The following MIGA1 variants were observed in gnomAD, a reference collection of about 807,000 sequenced individuals.
MIGA1 encodes mitoguardin 1.
MIGA1 carries 58 observed loss-of-function variants against 82.0 expected under a neutral mutation model. That is an observed-to-expected ratio of 0.71 (90% CI 0.57 to 0.88). The LOEUF is 0.88. MIGA1 is among the 40% of genes least tolerant of loss of function. The pLI is 0.00. For missense variants in MIGA1, 751 were observed against 749.1 expected, an observed-to-expected ratio of 1.00 and a Z score of -0.03; for synonymous variants, 249 against 253.6, an observed-to-expected ratio of 0.98 and a Z score of 0.17.
In MIGA1 at chr1:77,878,999, TG is replaced by T; in HGVS notation, c.*3936del. On this transcript the variant is annotated 3_prime_UTR_variant, in exon 16 of 16. Transcript: ENST00000370791. Reference sequence around the variant, plus strand: ...TACTTAAATTTAATTTCCAAGAGAGTGATTATTTGCATTACAAAGGAATTCT... The same window carrying T: ...TACTTAAATTTAATTTCCAAGAGAGTATTATTTGCATTACAAAGGAATTCT... The T allele has an allele frequency of 3.6e-6, 1 of 277,372 alleles. No individual in the cohort carries two copies. Among genetic ancestry groups the T allele is most frequent in the Non-Finnish European group, 6.7e-6 (1 of 149,946 alleles). The allele number at this position is 277,372 out of a possible 1,614,324, so 17.2% of individuals were successfully genotyped here.
At chr1:77,822,758 C>G (rs1342566019) in intron 7 of MIGA1, among the ~76,000 whole-genome samples, 1 of 150,316 alleles carries the variant, frequency 6.7e-6, no homozygotes, top group Non-Finnish European at 1.5e-5. Context: ...TACATTTGTA[C>G]TATTTATAGA....
intron 8 of MIGA1, among the ~76,000 whole-genome samples, chr1:77,855,868 C>G (rs528608984): frequency 6.6e-6 from 1 of 152,012 alleles, no homozygotes; most frequent in Admixed American, 6.6e-5. Flanking sequence ...TCTTTACCGA[C>G]GTGGATGCCC....
At chr1:77,793,440 T>TTTTG (rs976254183) in intron 2 of MIGA1, among the ~76,000 whole-genome samples, 3 of 151,844 alleles carry the variant, frequency 2.0e-5, no homozygotes, top group Non-Finnish European at 2.9e-5. Flanking sequence ...GAGAGGTTTT[T>TTTTG]TTTGTTTGTT....
Position 77,878,678 on chromosome 1 carries a change from A to T in MIGA1, c.*3614A>T, listed in dbSNP as rs1646913527. Reference sequence around the variant, plus strand: ...AATTTTGAGGCAATTTACATTTGGTATTTCTTTTAATTTCATTTTTTGTAT... The same window carrying T: ...AATTTTGAGGCAATTTACATTTGGTTTTTCTTTTAATTTCATTTTTTGTAT... On this transcript the variant is annotated 3_prime_UTR_variant, in exon 16 of 16. Transcript: ENST00000370791. 2.9e-6 allele frequency: 1 copy of T among 344,406 alleles called. No individual in the cohort carries two copies. The highest frequency in any genetic ancestry group is 5.2e-6 in the Non-Finnish European group (1 of 190,816). 21.3% of individuals were successfully genotyped at this position (344,406 alleles called of 1,614,324 possible). A position where few individuals can be genotyped will look rare whatever the true frequency, so the allele number is the denominator to read the frequency against.
At chr1:77,782,668 G>T (rs781681362) in intron 1 of MIGA1, among the ~76,000 whole-genome samples, 1 of 151,976 alleles carries the variant, frequency 6.6e-6, no homozygotes, top group South Asian at 2.1e-4. Flanking sequence ...GAAATAATAC[G>T]CATTAAAACT....
intron 12 of MIGA1, chr1:77,861,698 T>G (rs75461748): frequency 0.034 from 6,206 of 182,258 alleles, 140 homozygotes; most frequent in East Asian, 0.1. Flanking sequence ...GAATTGGCTG[T>G]ATACACAAGA....
At chr1:77,848,773 A>G in intron 8 of MIGA1, 2 of 1,335,242 alleles carry the variant, frequency 1.5e-6, no homozygotes, top group East Asian at 2.3e-5. Flanking sequence ...GGTTAATGCA[A>G]AGAGCTATAT....
Position 77,807,049 on chromosome 1 carries a change from T to C in MIGA1, c.585T>C (p.Asp195=). The C allele has an allele frequency of 6.2e-7, 1 of 1,604,220 alleles. No individual in the cohort carries two copies. Among genetic ancestry groups the C allele is most frequent in the African/African-American group, 1.3e-5 (1 of 74,852 alleles). The change falls in exon 5 of 16, where the codon GAT becomes GAC. Residue 195 remains aspartate (D), a synonymous_variant. Coordinates refer to ENST00000370791, the MANE Select transcript of MIGA1 (RefSeq NM_198549.4). Reference sequence around the variant, plus strand: ...CCTGGGACAAAGCAGATGAAGATGATATTAAACTTGTTAATATTCCTGTGA... The same window carrying C: ...CCTGGGACAAAGCAGATGAAGATGACATTAAACTTGTTAATATTCCTGTGA...
intron 6 of MIGA1, 44 bp downstream of exon 6, chr1:77,813,911 T>G (rs1683470647): frequency 6.3e-7 from 1 of 1,599,448 alleles, no homozygotes; most frequent in South Asian, 1.1e-5. Context: ...ATTAGAAGAA[T>G]CAAACTTTTT....
intron 7 of MIGA1, among the ~76,000 whole-genome samples, chr1:77,839,905 T>G (rs1684568236): frequency 6.6e-6 from 1 of 151,954 alleles, no homozygotes; most frequent in African/African-American, 2.4e-5. Context: ...CTGCACCAGC[T>G]AATTTTTTGT....
intron 14 of MIGA1, 35 bp downstream of exon 14, chr1:77,866,426 A>G (rs1486397334): frequency 6.3e-7 from 1 of 1,597,220 alleles, no homozygotes; most frequent in African/African-American, 1.3e-5. Context: ...CCTTTGTTAA[A>G]TCATTTAAGG....
intron 8 of MIGA1, among the ~76,000 whole-genome samples, chr1:77,853,096 C>A (rs1685115484): frequency 6.6e-6 from 1 of 152,156 alleles, no homozygotes; most frequent in African/African-American, 2.4e-5. Context: ...AAAACCAAAG[C>A]CTTGAGAGTT....
At position 77,779,703 on chromosome 1, in the gene MIGA1, G is replaced by A; in HGVS notation, c.48G>A (p.Val16=). 1 of 1,589,092 alleles carries A rather than the reference G, an allele frequency of 6.3e-7. No homozygotes were observed. Residue 16 remains valine (V), a synonymous_variant, in exon 1 of 16, where the codon GTG becomes GTA. Coordinates refer to ENST00000370791, the MANE Select transcript of MIGA1 (RefSeq NM_198549.4). ...CAGGCATCAGCTGGGAAGCTGGCGT[G>A]GGCAGGCCAGCTGTACCTGGCCTGG...
chr1:77,804,743 C>T (rs906436444), intron 4 of MIGA1, among the ~76,000 whole-genome samples: 1 of 151,722 alleles, frequency 6.6e-6, no homozygotes, highest in Non-Finnish European at 1.5e-5. Flanking sequence ...GATTGTCCTG[C>T]CTCAACCTCC....
intron 6 of MIGA1, among the ~76,000 whole-genome samples, 159 bp downstream of exon 6, chr1:77,814,026 A>C (rs1338353590): frequency 6.6e-6 from 1 of 151,526 alleles, no homozygotes; most frequent in Non-Finnish European, 1.5e-5. Context: ...AGTAATTAGG[A>C]CTATAGGGAT....
chr1:77,813,832 G>C lies in MIGA1; in HGVS notation c.736G>C (p.Gly246Arg), dbSNP rs764627508. 7 of 1,614,198 alleles carry C rather than the reference G, an allele frequency of 4.3e-6. No individual in the cohort carries two copies. The highest frequency in any genetic ancestry group is 5.9e-6 in the Non-Finnish European group (7 of 1,180,026). The change falls in exon 6 of 16, where the codon GGT becomes CGT. Residue 246 changes from glycine (G) to arginine (R), a missense_variant. Around this residue, in one of 3 missense-constraint regions of MIGA1, gnomAD observed 482 missense variants for 439.4 expected, o/e 1.10. Transcript: ENST00000370791. ...TGAAGCCTGTGGTTCCATTAAACTGGGTGCAGGAGATGCCATTGCTGAAGA... is the reference window on the plus strand; with the variant it reads ...TGAAGCCTGTGGTTCCATTAAACTGCGTGCAGGAGATGCCATTGCTGAAGA...
chr1:77,866,493 G>C, intron 14 of MIGA1, 102 bp downstream of exon 14: 5 of 1,056,944 alleles, frequency 4.7e-6, no homozygotes, highest in South Asian at 1.3e-5. Context: ...AGCTGTAGGA[G>C]GGGTAGGAGG....
intron 7 of MIGA1, among the ~76,000 whole-genome samples, chr1:77,827,855 T>G (rs1684092175): frequency 1.3e-5 from 2 of 152,184 alleles, no homozygotes; most frequent in East Asian, 3.9e-4. Flanking sequence ...AATAGCTGCT[T>G]CTTGGAGATT....
intron 14 of MIGA1, among the ~76,000 whole-genome samples, chr1:77,867,255 G>A (rs971050466): frequency 6.6e-6 from 1 of 152,186 alleles, no homozygotes; most frequent in Non-Finnish European, 1.5e-5. Flanking sequence ...CCTTAGGCAA[G>A]TTGCTTACCC....
Sources: allele counts gnomAD v4.1 joint callset (sites outside exome capture counted in the v4.1 genomes callset), GRCh38; gene constraint gnomAD v4.1.1; regional missense constraint gnomAD v4.1.1; transcripts MANE v1.5; gene names NCBI Gene and HGNC (gene_info 2026-07-23, HGNC 2026-07-21).